Variants in AGBL4 observed in about 807,000 individuals in gnomAD.
AGBL4 encodes the protein cytosolic carboxypeptidase 6.
A neutral mutation model predicts 66.4 loss-of-function variants in AGBL4; 58 were observed. That is an observed-to-expected ratio of 0.87 (90% confidence interval 0.71 to 1.09). The LOEUF (loss-of-function observed/expected upper bound fraction) is 1.09, where lower values mean the gene tolerates loss of function less well. Ranked by LOEUF, AGBL4 falls within the 50% of genes least tolerant of loss-of-function variation. The probability of loss-of-function intolerance (pLI) is 0.00; values close to 1 mark genes in which losing one functional copy is unlikely to be tolerated. For missense variants in AGBL4, 579 were observed against 631.0 expected, an observed-to-expected ratio of 0.92 and a Z score of 0.88; for synonymous variants, 234 against 222.9, an observed-to-expected ratio of 1.05 and a Z score of -0.44.
rs562667486 is a variant in AGBL4, at chr1:48,642,278, C to T, written c.840-7674G>A. On this transcript the variant is annotated intron_variant, in intron 8 of 13. Coordinates refer to ENST00000371839, the MANE Select transcript of AGBL4 (RefSeq NM_032785.4). ...CTTTACCCTATAATGGTGGCCTTTT[C>T]GGCAAGGTGGTGTGACTGGGGACAA... Among the ~76,000 whole-genome samples, 16 of 152,272 alleles carry T rather than the reference C, an allele frequency of 1.1e-4. No homozygotes were observed. In the East Asian group the frequency reaches 1.7e-3, roughly 17 times the overall value.
At chr1:49,055,748 G>T (rs1259574631) in intron 4 of AGBL4, among the ~76,000 whole-genome samples, 1 of 151,808 alleles carries the variant, frequency 6.6e-6, no homozygotes, top group Non-Finnish European at 1.5e-5. Flanking sequence ...AAACATTTTT[G>T]CTTTAATGTA....
intron 3 of AGBL4, among the ~76,000 whole-genome samples, chr1:49,397,721 T>A (rs1026003494): frequency 1.3e-5 from 2 of 152,180 alleles, no homozygotes; most frequent in African/African-American, 4.8e-5. Context: ...CTCCTTCTCA[T>A]CAGCATTTAA....
chr1:48,882,939 A>G (rs534445806), intron 5 of AGBL4, among the ~76,000 whole-genome samples: 1 of 152,328 alleles, frequency 6.6e-6, no homozygotes, highest in African/African-American at 2.4e-5. Context: ...GTCACAAAAG[A>G]CAGGAGTTCC....
chr1:49,220,163 G>A (rs1168284011), intron 4 of AGBL4, among the ~76,000 whole-genome samples: 1 of 151,982 alleles, frequency 6.6e-6, no homozygotes, highest in African/African-American at 2.4e-5. Flanking sequence ...TTGTTCTCAG[G>A]GCTAAAATGA....
rs569490379 is a variant in AGBL4 at position 48,691,762 on chromosome 1, A to G, written c.635-28521T>C. Among the ~76,000 whole-genome samples the G allele has an allele frequency of 8.5e-5, 13 of 152,310 alleles. No individual in the cohort carries two copies. The East Asian group carries it at 1.7e-3, about 20-fold the overall frequency. The stretch of plus-strand genomic sequence containing the variant: ...GCAGAAGACAGCTGCCCAGCCTCAC[A>G]TAGCTGTTAGTGCTGGAACCCAGCC... On this transcript the variant is annotated intron_variant, in intron 6 of 13. Transcript: ENST00000371839.
chr1:49,375,506 T>C (rs1165356831), intron 3 of AGBL4, among the ~76,000 whole-genome samples: 6 of 152,086 alleles, frequency 3.9e-5, no homozygotes, highest in Non-Finnish European at 8.8e-5. Context: ...CCAGAGCTTA[T>C]CTGCATGTAG....
At chr1:49,509,853 A>G (rs1196563522) in intron 3 of AGBL4, among the ~76,000 whole-genome samples, 2 of 151,980 alleles carry the variant, frequency 1.3e-5, no homozygotes, top group Non-Finnish European at 2.9e-5. Context: ...GTCCATTAAT[A>G]TATATGAAAT....
intron 4 of AGBL4, among the ~76,000 whole-genome samples, chr1:49,198,532 G>T (rs1378585394): frequency 1.3e-5 from 2 of 151,896 alleles, no homozygotes; most frequent in Non-Finnish European, 2.9e-5. Flanking sequence ...TAGAGATGGG[G>T]TATCACCATG....
At chr1:49,750,437 T>A (rs1651361245) in intron 2 of AGBL4, among the ~76,000 whole-genome samples, 1 of 152,206 alleles carries the variant, frequency 6.6e-6, no homozygotes, top group Non-Finnish European at 1.5e-5. Context: ...TTCTGTTCTG[T>A]CCCATTGGTC....
intron 2 of AGBL4, among the ~76,000 whole-genome samples, chr1:49,771,634 CT>C (rs1259391305): frequency 6.6e-6 from 1 of 152,030 alleles, no homozygotes; most frequent in Non-Finnish European, 1.5e-5. Context: ...CTATCTTTTC[CT>C]TTAGATCTAA....
intron 6 of AGBL4, among the ~76,000 whole-genome samples, chr1:48,734,642 GCTTATTCTGC>G (rs1414979689): frequency 3.9e-5 from 6 of 152,162 alleles, no homozygotes; most frequent in African/African-American, 1.4e-4. Context: ...CATACCTGCT[GCTTATTCTGC>G]CTGATTTGCC....
At chr1:49,368,415 T>C (rs912623432) in intron 3 of AGBL4, among the ~76,000 whole-genome samples, 4 of 152,248 alleles carry the variant, frequency 2.6e-5, no homozygotes, top group Admixed American at 2.6e-4. Context: ...TATTTATATG[T>C]ACAAAGCACT....
chr1:49,204,255 A>G (rs536247144), intron 4 of AGBL4, among the ~76,000 whole-genome samples: 1 of 152,102 alleles, frequency 6.6e-6, no homozygotes, highest in African/African-American at 2.4e-5. Flanking sequence ...AGATAACTGG[A>G]AACTATTTAT....
intron 4 of AGBL4, among the ~76,000 whole-genome samples, chr1:49,069,575 T>C (rs1310332627): frequency 6.6e-6 from 1 of 151,954 alleles, no homozygotes; most frequent in Admixed American, 6.5e-5. Context: ...GCCTCTGTTC[T>C]GTTCCATTGG....
intron 2 of AGBL4, among the ~76,000 whole-genome samples, chr1:49,824,335 G>A (rs905398004): frequency 1.3e-5 from 2 of 152,174 alleles, no homozygotes; most frequent in African/African-American, 2.4e-5. Flanking sequence ...GCTGACACCT[G>A]GGTTATACAA....
chr1:49,975,897 CA>C (rs1256892566), intron 1 of AGBL4, among the ~76,000 whole-genome samples: 1 of 152,104 alleles, frequency 6.6e-6, no homozygotes, highest in African/African-American at 2.4e-5. Flanking sequence ...AGTACTAAAG[CA>C]AAAAGCAAAG....
At chr1:49,384,443 A>C (rs1644692734) in intron 3 of AGBL4, among the ~76,000 whole-genome samples, 2 of 151,888 alleles carry the variant, frequency 1.3e-5, no homozygotes, top group South Asian at 4.2e-4. Context: ...AAATACAAAA[A>C]TTAGCTGGGT....
At chr1:48,685,213 T>C (rs911387858) in intron 6 of AGBL4, among the ~76,000 whole-genome samples, 2 of 152,238 alleles carry the variant, frequency 1.3e-5, no homozygotes, top group Non-Finnish European at 2.9e-5. Flanking sequence ...TTGACTTCTA[T>C]ATAAAATCTC....
At chr1:48,901,397 C>A (rs1652066407) in intron 5 of AGBL4, among the ~76,000 whole-genome samples, 1 of 152,082 alleles carries the variant, frequency 6.6e-6, no homozygotes, top group South Asian at 2.1e-4. Flanking sequence ...AGTATATGTC[C>A]TTGCAAAAAG....
Sources: allele counts gnomAD v4.1 joint callset (sites outside exome capture counted in the v4.1 genomes callset), GRCh38; gene constraint gnomAD v4.1.1; transcripts MANE v1.5; gene names NCBI Gene and HGNC (gene_info 2026-07-23, HGNC 2026-07-21).